Variants in SKAP1 observed in about 807,000 individuals in gnomAD.
SKAP1 encodes src kinase associated phosphoprotein 1, also known as src kinase-associated phosphoprotein 1.
In SKAP1, 44 loss-of-function variants were observed where a neutral mutation model predicts 58.5. The ratio of observed to expected loss-of-function variants is 0.75; its 90% CI spans 0.59 to 0.97. The LOEUF is 0.97. SKAP1 is among the 50% of genes least tolerant of loss of function. SKAP1 has a pLI of 0.00. For missense variants in SKAP1, 390 were observed against 435.2 expected (o/e 0.90, Z 0.92); for synonymous variants, 127 against 149.7 (o/e 0.85, Z 1.11).
At chr17:48,152,470 T>C (rs939121731) in intron 11 of SKAP1, among the ~76,000 whole-genome samples, 1 of 152,188 alleles carries the variant, frequency 6.6e-6, no homozygotes, top group Non-Finnish European at 1.5e-5. Flanking sequence ...TTTGGCAGAT[T>C]AGTGGGGAGT....
At chr17:48,263,516 T>C (rs891270544) in intron 4 of SKAP1, among the ~76,000 whole-genome samples, 2 of 152,236 alleles carry the variant, frequency 1.3e-5, no homozygotes, top group African/African-American at 4.8e-5. Flanking sequence ...ACTCTTCCAA[T>C]ATTTTGGGGG....
chr17:48,177,214 A>G (rs753237359), intron 9 of SKAP1, among the ~76,000 whole-genome samples: 2 of 152,126 alleles, frequency 1.3e-5, no homozygotes, highest in Non-Finnish European at 2.9e-5. Context: ...GAAATAACCA[A>G]CTGGACTGTC....
chr17:48,255,303 T>G (rs6504135), intron 4 of SKAP1, among the ~76,000 whole-genome samples: 31,794 of 151,796 alleles, frequency 0.21, 3,335 homozygotes, highest in Admixed American at 0.22. Flanking sequence ...AAAGGTGACC[T>G]CCACTACTTT....
intron 11 of SKAP1, among the ~76,000 whole-genome samples, chr17:48,138,885 G>GA (rs202040425): frequency 2.2e-5 from 3 of 135,704 alleles, no homozygotes; most frequent in Non-Finnish European, 4.8e-5. Context: ...AAATTAGAAT[G>GA]AAAAAAAAAT....
At chr17:48,316,425 C>T (rs566706995) in intron 4 of SKAP1, among the ~76,000 whole-genome samples, 32 of 152,294 alleles carry the variant, frequency 2.1e-4, no homozygotes, top group Middle Eastern at 3.4e-3. Flanking sequence ...TCTCTCATTT[C>T]ATTCAGTTTT....
intron 4 of SKAP1, among the ~76,000 whole-genome samples, chr17:48,283,514 T>C (rs990261407): frequency 3.3e-5 from 5 of 152,192 alleles, no homozygotes; most frequent in Non-Finnish European, 7.3e-5. Flanking sequence ...CTGCCATCTA[T>C]GGATGCATCA....
At chr17:48,196,529 T>C (rs932283504) in intron 4 of SKAP1, among the ~76,000 whole-genome samples, 2 of 152,188 alleles carry the variant, frequency 1.3e-5, no homozygotes, top group Non-Finnish European at 2.9e-5. Context: ...TACCCAATAA[T>C]AGTTTTTCAA....
At chr17:48,166,285 T>TA (rs2064138260) in intron 10 of SKAP1, among the ~76,000 whole-genome samples, 3 of 152,048 alleles carry the variant, frequency 2.0e-5, no homozygotes, top group African/African-American at 4.8e-5. Flanking sequence ...CAGAACAAGT[T>TA]AAAAAAAAGT....
At chr17:48,176,429 T>G (rs926445104) in intron 9 of SKAP1, among the ~76,000 whole-genome samples, 1 of 152,212 alleles carries the variant, frequency 6.6e-6, no homozygotes, top group Non-Finnish European at 1.5e-5. Context: ...GGGCCTATGC[T>G]GGCCTGTAAA....
At chr17:48,259,269 TAAG>T (rs1252437345) in intron 4 of SKAP1, among the ~76,000 whole-genome samples, 3 of 152,080 alleles carry the variant, frequency 2.0e-5, no homozygotes, top group Non-Finnish European at 4.4e-5. Flanking sequence ...ACTGTTACGA[TAAG>T]AAGAAAAAAT....
At chr17:48,332,581 T>G (rs375005820) in intron 4 of SKAP1, among the ~76,000 whole-genome samples, 29 of 152,304 alleles carry the variant, frequency 1.9e-4, no homozygotes, top group African/African-American at 7.0e-4. Flanking sequence ...GCCAGGCCAG[T>G]AAAACTTGCC....
At chr17:48,377,393 G>A (rs1020805564) in intron 2 of SKAP1, 1 of 150,948 alleles carries the variant, frequency 6.6e-6, no homozygotes, top group Admixed American at 6.6e-5. Context: ...GGGCAACATT[G>A]TGAGACCCCA....
intron 4 of SKAP1, among the ~76,000 whole-genome samples, chr17:48,271,632 G>C (rs1195892633): frequency 6.6e-6 from 1 of 152,094 alleles, no homozygotes; most frequent in East Asian, 1.9e-4. Context: ...AAAGTGCTGG[G>C]ATTACAGACA....
chr17:48,229,703 A>C (rs957117607), intron 4 of SKAP1, among the ~76,000 whole-genome samples: 2 of 152,148 alleles, frequency 1.3e-5, no homozygotes, highest in East Asian at 3.8e-4. Flanking sequence ...TCAACTCATA[A>C]CTTTTTTCTC....
At chr17:48,253,907 T>C (rs533426542) in intron 4 of SKAP1, among the ~76,000 whole-genome samples, 35 of 152,312 alleles carry the variant, frequency 2.3e-4, no homozygotes, top group African/African-American at 7.5e-4. Flanking sequence ...GAAAATATTA[T>C]GAGTTCTTCC....
chr17:48,331,470 T>C (rs8077516), intron 4 of SKAP1, among the ~76,000 whole-genome samples: 93,746 of 151,810 alleles, frequency 0.62, 29,691 homozygotes, highest in African/African-American at 0.76. Flanking sequence ...GAGGCCAAGG[T>C]GGGCGGATCA....
At chr17:48,311,528 T>C (rs1008161669) in intron 4 of SKAP1, among the ~76,000 whole-genome samples, 3 of 152,050 alleles carry the variant, frequency 2.0e-5, no homozygotes, top group African/African-American at 4.8e-5. Context: ...ATGTTGTAAA[T>C]AGAAAATGAA....
chr17:48,284,220 A>T (rs1013525916), intron 4 of SKAP1, among the ~76,000 whole-genome samples: 1 of 152,222 alleles, frequency 6.6e-6, no homozygotes, highest in African/African-American at 2.4e-5. Context: ...TACCCTTTAT[A>T]ATAATGTTTT....
chr17:48,432,569 T>G (rs1479295111), upstream of SKAP1, among the ~76,000 whole-genome samples: 2 of 152,156 alleles, frequency 1.3e-5, no homozygotes, highest in Non-Finnish European at 2.9e-5. Context: ...TGCTCTAGAA[T>G]CATTTTGAAG....
Sources: allele counts gnomAD v4.1 joint callset (sites outside exome capture counted in the v4.1 genomes callset), GRCh38; gene constraint gnomAD v4.1.1; transcripts MANE v1.5; gene names NCBI Gene and HGNC (gene_info 2026-07-23, HGNC 2026-07-21).